NPAS3: variants seen among roughly 807,000 people sequenced by gnomAD.
The protein encoded by NPAS3 is neuronal PAS domain-containing protein 3.
Under a neutral mutation model 73.1 loss-of-function variants are expected in NPAS3, and 14 were observed. The ratio of observed to expected loss-of-function variants is 0.19; its 90% CI spans 0.13 to 0.30. The LOEUF (loss-of-function observed/expected upper bound fraction) is 0.30. Ranked by LOEUF, NPAS3 falls within the 10% of genes least tolerant of loss-of-function variation. The probability of loss-of-function intolerance (pLI) is 1.00; values close to 1 mark genes in which losing one functional copy is unlikely to be tolerated. For synonymous variants in NPAS3, 620 were observed against 541.5 expected (o/e 1.14, Z -2.01); for missense variants, 1,096 against 1,250.0 (o/e 0.88, Z 1.86).
At chr14:33,762,955 G>A (rs569721090) in intron 7 of NPAS3, among the ~76,000 whole-genome samples, 4 of 152,290 alleles carry the variant, frequency 2.6e-5, no homozygotes, top group South Asian at 2.1e-4. Flanking sequence ...AAACAAAAGA[G>A]GAAAATGGAA....
chr14:33,142,264 C>T (rs1368570234), intron 2 of NPAS3, among the ~76,000 whole-genome samples: 1 of 87,878 alleles, frequency 1.1e-5, no homozygotes, highest in Non-Finnish European at 2.3e-5. Flanking sequence ...AGTACTTTTA[C>T]ACTTAAAAAG....
At chr14:33,469,525 A>G (rs1217408398) in intron 4 of NPAS3, among the ~76,000 whole-genome samples, 1 of 152,218 alleles carries the variant, frequency 6.6e-6, no homozygotes, top group Admixed American at 6.5e-5. Context: ...GTGAATATAT[A>G]TTTACAGCAA....
chr14:33,042,474 T>C (rs1011550324), intron 1 of NPAS3, among the ~76,000 whole-genome samples: 11 of 152,204 alleles, frequency 7.2e-5, no homozygotes, highest in Non-Finnish European at 1.5e-4. Context: ...TTTATTAAGA[T>C]AGAACTATCT....
chr14:33,584,686 C>A (rs554175172), intron 5 of NPAS3, among the ~76,000 whole-genome samples: 44 of 152,234 alleles, frequency 2.9e-4, no homozygotes, highest in African/African-American at 9.9e-4. Context: ...ATGAAACATA[C>A]CCAGATTGAA....
chr14:32,970,211 G>A (rs1038813387), intron 1 of NPAS3, among the ~76,000 whole-genome samples: 4 of 152,166 alleles, frequency 2.6e-5, no homozygotes, highest in African/African-American at 7.2e-5. Flanking sequence ...TCCTAGGCTA[G>A]AGATAGACTA....
chr14:33,690,162 G>C (rs957187851), intron 6 of NPAS3, among the ~76,000 whole-genome samples: 1 of 152,164 alleles, frequency 6.6e-6, no homozygotes, highest in Non-Finnish European at 1.5e-5. Context: ...TATCGAATCA[G>C]CTTTCGTGCG....
At chr14:33,768,548 G>A in intron 7 of NPAS3, among the ~76,000 whole-genome samples, 1 of 152,190 alleles carries the variant, frequency 6.6e-6, no homozygotes, top group East Asian at 1.9e-4. Context: ...CTATGGGGCT[G>A]TAAAGGAGGA....
intron 5 of NPAS3, among the ~76,000 whole-genome samples, chr14:33,613,898 AG>A (rs1334666718): frequency 3.3e-5 from 5 of 152,078 alleles, no homozygotes; most frequent in Non-Finnish European, 5.9e-5. Context: ...CCCCTCTTAT[AG>A]GGTAATTACC....
At chr14:33,138,462 T>C (rs4981177) in intron 2 of NPAS3, among the ~76,000 whole-genome samples, 59,320 of 151,932 alleles carry the variant, frequency 0.39, 12,093 homozygotes, top group African/African-American at 0.51. Context: ...TTCTTTGAGG[T>C]TAGAAAACAT....
At chr14:33,685,414 A>G (rs1205498104) in intron 6 of NPAS3, among the ~76,000 whole-genome samples, 3 of 152,200 alleles carry the variant, frequency 2.0e-5, no homozygotes, top group African/African-American at 4.8e-5. Context: ...TATCAAGACC[A>G]TGATTATCAG....
intron 4 of NPAS3, among the ~76,000 whole-genome samples, chr14:33,368,800 A>G (rs577223797): frequency 6.6e-6 from 1 of 152,194 alleles, no homozygotes; most frequent in South Asian, 2.1e-4. Context: ...TCTTACACAC[A>G]TGTTGTTTGG....
intron 4 of NPAS3, among the ~76,000 whole-genome samples, chr14:33,539,649 AGTG>A (rs1361690921): frequency 3.3e-5 from 5 of 152,142 alleles, no homozygotes; most frequent in African/African-American, 9.7e-5. Flanking sequence ...CACAAAAAGA[AGTG>A]AAAGTAATGT....
chr14:33,436,222 G>A (rs1566901330), intron 4 of NPAS3, among the ~76,000 whole-genome samples: 1 of 152,272 alleles, frequency 6.6e-6, no homozygotes, highest in Non-Finnish European at 1.5e-5. Context: ...CGTCATGCCA[G>A]CAAGTCCTCC....
intron 5 of NPAS3, among the ~76,000 whole-genome samples, chr14:33,673,923 CTACAGTATACATATA>C (rs542093915): frequency 4.3e-4 from 66 of 152,290 alleles, no homozygotes; most frequent in African/African-American, 1.5e-3. Context: ...GCAGCCTTAA[CTACAGTATACATATA>C]AACACTATGA....
Position 33,168,044 on chromosome 14 carries a change from G to C in NPAS3, c.141-47138G>C, listed in dbSNP as rs1387532656. 2.0e-5 allele frequency among the ~76,000 whole-genome samples: 3 copies of C among 152,088 alleles called. No homozygotes were observed. The East Asian group carries it at 5.8e-4, about 29-fold the overall frequency. ...TTTTTGTGGCTTGTTTTTTCATTTA[G>C]CATTCTTTTCCTTATGTGTTACTTT... On this transcript the variant is annotated intron_variant, in intron 2 of 11. Coordinates refer to ENST00000356141, the Ensembl canonical transcript of NPAS3.
At chr14:33,000,788 A>T (rs1404821681) in intron 1 of NPAS3, among the ~76,000 whole-genome samples, 1 of 152,252 alleles carries the variant, frequency 6.6e-6, no homozygotes, top group East Asian at 1.9e-4. Flanking sequence ...GACTATTGTC[A>T]GCTGGGGTAA....
At chr14:33,130,730 A>G (rs1238928619) in intron 2 of NPAS3, among the ~76,000 whole-genome samples, 1 of 152,094 alleles carries the variant, frequency 6.6e-6, no homozygotes, top group African/African-American at 2.4e-5. Flanking sequence ...TTGATGCCAT[A>G]TTTTGCTTAT....
intron 3 of NPAS3, among the ~76,000 whole-genome samples, chr14:33,314,144 A>G (rs1420828831): frequency 2.6e-5 from 4 of 152,070 alleles, no homozygotes; most frequent in Admixed American, 1.3e-4. Context: ...GTTAAGTGAT[A>G]ATAGGTAGAA....
chr14:33,643,375 TAAAA>T (rs755879056), intron 5 of NPAS3, among the ~76,000 whole-genome samples: 11 of 94,636 alleles, frequency 1.2e-4, no homozygotes, highest in Admixed American at 5.0e-4. Flanking sequence ...AAATAAAAAT[TAAAA>T]AAAAAAAAAA....
Sources: allele counts gnomAD v4.1 joint callset (sites outside exome capture counted in the v4.1 genomes callset), GRCh38; gene constraint gnomAD v4.1.1; transcripts MANE v1.5; gene names NCBI Gene and HGNC (gene_info 2026-07-23, HGNC 2026-07-21).